Variants in APBA1 observed in about 807,000 individuals in gnomAD.
The protein encoded by APBA1 is amyloid beta precursor protein binding family A member 1, also known as amyloid-beta A4 precursor protein-binding family A member 1.
A neutral mutation model predicts 86.6 loss-of-function variants in APBA1; 55 were observed. That is an observed-to-expected ratio of 0.64 (90% confidence interval 0.51 to 0.80). APBA1 has a LOEUF of 0.80. Ranked by LOEUF, APBA1 falls within the 30% of genes least tolerant of loss-of-function variation. The probability of loss-of-function intolerance (pLI) is 0.00; values close to 1 mark genes in which losing one functional copy is unlikely to be tolerated. For synonymous variants in APBA1, 511 were observed against 493.9 expected (o/e 1.03, Z -0.46); for missense variants, 1,090 against 1,183.0 (o/e 0.92, Z 1.15).
intron 1 of APBA1, among the ~76,000 whole-genome samples, chr9:69,603,227 AT>A (rs2133975241): frequency 6.6e-6 from 1 of 152,314 alleles, no homozygotes; most frequent in African/African-American, 2.4e-5. Flanking sequence ...AAAATAATAA[AT>A]TTCTGACAAA....
At chr9:69,668,495 G>T (rs1823884525) in intron 1 of APBA1, among the ~76,000 whole-genome samples, 1 of 151,794 alleles carries the variant, frequency 6.6e-6, no homozygotes. Flanking sequence ...AGTCTATCTG[G>T]TCTCCCTCCT....
chr9:69,602,507 C>G (rs114782711), intron 1 of APBA1, among the ~76,000 whole-genome samples: 1 of 151,652 alleles, frequency 6.6e-6, no homozygotes. Flanking sequence ...GGAGGTGGAG[C>G]GTGCAGTTTG....
At chr9:69,617,513 A>G (rs968005906) in intron 1 of APBA1, among the ~76,000 whole-genome samples, 1 of 152,104 alleles carries the variant, frequency 6.6e-6, no homozygotes, top group Non-Finnish European at 1.5e-5. Flanking sequence ...ACAAATATTT[A>G]TTGACTATTC....
intron 1 of APBA1, among the ~76,000 whole-genome samples, chr9:69,664,014 G>A (rs1210965831): frequency 2.0e-5 from 3 of 152,064 alleles, no homozygotes; most frequent in Non-Finnish European, 4.4e-5. Flanking sequence ...TGGATGTGAC[G>A]GCAACTGATT....
intron 7 of APBA1, 47 bp downstream of exon 7, chr9:69,457,006 C>G: frequency 6.7e-7 from 1 of 1,498,160 alleles, no homozygotes; most frequent in Non-Finnish European, 9.3e-7. Context: ...CTCTGAGTTA[C>G]GATGTCACTA....
intron 1 of APBA1, among the ~76,000 whole-genome samples, chr9:69,550,747 A>T (rs73647250): frequency 0.081 from 12,336 of 152,252 alleles, 663 homozygotes; most frequent in African/African-American, 0.16. Flanking sequence ...GTGAAGATAC[A>T]GGAGATGGGA....
At chr9:69,610,210 C>A (rs1822559611) in intron 1 of APBA1, among the ~76,000 whole-genome samples, 1 of 152,022 alleles carries the variant, frequency 6.6e-6, no homozygotes, top group Admixed American at 6.6e-5. Flanking sequence ...GTCCTAGCTG[C>A]TTTTGAGGCT....
chr9:69,584,172 A>T (rs907368319), intron 1 of APBA1, among the ~76,000 whole-genome samples: 11 of 152,264 alleles, frequency 7.2e-5, no homozygotes, highest in African/African-American at 2.6e-4. Context: ...CCCAAATAAA[A>T]ATATAATGAG....
rs370549415 is a variant in APBA1, at chr9:69,530,306, G to GTATATATA, written c.-69-13035_-69-13028dup. The stretch of plus-strand genomic sequence containing the variant: ...GGATTAAGAAAAAAGTTGTGTGTGT[G>GTATATATA]TATATATATATATATATATATATAC... On this transcript the variant is annotated intron_variant, in intron 1 of 12. Transcript: ENST00000265381. Among the ~76,000 whole-genome samples the GTATATATA allele has an allele frequency of 9.4e-3, 1,083 of 115,580 alleles. 9 individuals carry two copies. The highest frequency in any genetic ancestry group is 0.013 in the Non-Finnish European group (766 of 57,102). The allele number at this position is 115,580 out of a possible 152,430, so 75.8% of individuals were successfully genotyped here.
intron 1 of APBA1, among the ~76,000 whole-genome samples, chr9:69,607,817 T>C (rs1344571173): frequency 6.6e-6 from 1 of 152,218 alleles, no homozygotes; most frequent in Non-Finnish European, 1.5e-5. Context: ...AGGGTTGTCT[T>C]ACTGGCTGTT....
intron 1 of APBA1, among the ~76,000 whole-genome samples, chr9:69,525,385 T>C (rs1836326177): frequency 1.3e-5 from 2 of 152,138 alleles, no homozygotes; most frequent in African/African-American, 4.8e-5. Context: ...CAGCAAACTT[T>C]CAGGACATGA....
chr9:69,515,709 G>A (rs975975947), intron 2 of APBA1, among the ~76,000 whole-genome samples: 3 of 132,082 alleles, frequency 2.3e-5, no homozygotes, highest in African/African-American at 8.8e-5. Context: ...GGGGGGCGGG[G>A]GGTGGAGGGC....
At chr9:69,529,147 A>G (rs1836386692) in intron 1 of APBA1, among the ~76,000 whole-genome samples, 1 of 152,058 alleles carries the variant, frequency 6.6e-6, no homozygotes, top group Non-Finnish European at 1.5e-5. Context: ...GTATTCATAG[A>G]TCAGGAAAGC....
Position 69,587,364 on chromosome 9 carries a change from C to A in APBA1, c.-69-70085G>T, listed in dbSNP as rs573939262. Among the ~76,000 whole-genome samples the A allele has an allele frequency of 9.2e-5, 14 of 152,260 alleles. No homozygotes were observed. The East Asian group carries it at 2.7e-3, about 29-fold the overall frequency. On this transcript the variant is annotated intron_variant, in intron 1 of 12. Coordinates refer to ENST00000265381, the MANE Select transcript of APBA1 (RefSeq NM_001163.4). ...TTTGCCACTGTAAGCAAGAGGACAG[C>A]CTATCTGAGAATGTGGCCAAACTGA... is the stretch of plus-strand genomic sequence containing the variant.
At chr9:69,434,991 T>C (rs574172564) in intron 11 of APBA1, among the ~76,000 whole-genome samples, 16 of 128,788 alleles carry the variant, frequency 1.2e-4, no homozygotes, top group Admixed American at 2.9e-4. Context: ...TTCCCCTTCC[T>C]GTGTCCATGT....
chr9:69,575,701 TC>T (rs1821781828), intron 1 of APBA1, among the ~76,000 whole-genome samples: 1 of 152,152 alleles, frequency 6.6e-6, no homozygotes, highest in Non-Finnish European at 1.5e-5. Context: ...TATACAAAAA[TC>T]AATTCAAGAT....
At chr9:69,589,417 C>T (rs1822084584) in intron 1 of APBA1, among the ~76,000 whole-genome samples, 1 of 152,212 alleles carries the variant, frequency 6.6e-6, no homozygotes, top group African/African-American at 2.4e-5. Context: ...TTTCTCTGCT[C>T]TTTCCATGTA....
intron 2 of APBA1, among the ~76,000 whole-genome samples, chr9:69,492,886 T>C (rs1835736727): frequency 6.6e-6 from 1 of 152,106 alleles, no homozygotes. Context: ...AAATTCATGG[T>C]AATGAAGGGC....
chr9:69,667,266 T>C (rs1823858979), intron 1 of APBA1, among the ~76,000 whole-genome samples: 1 of 152,198 alleles, frequency 6.6e-6, no homozygotes, highest in Non-Finnish European at 1.5e-5. Flanking sequence ...TGAGATTAAA[T>C]GCTCACTATA....
Sources: gnomAD v4.1 joint callset for allele counts (sites outside exome capture counted in the v4.1 genomes callset) on GRCh38, gnomAD v4.1.1 for gene constraint, MANE v1.5 for transcripts, NCBI Gene and HGNC (gene_info 2026-07-23, HGNC 2026-07-21) for gene names.